The following MAGI2 variants were observed in gnomAD, a reference collection of about 807,000 sequenced individuals.
MAGI2 encodes membrane associated guanylate kinase, WW and PDZ domain containing 2.
Under a neutral mutation model 133.3 loss-of-function variants are expected in MAGI2, and 35 were observed. The ratio of observed to expected loss-of-function variants is 0.26; its 90% confidence interval spans 0.20 to 0.35. The LOEUF (loss-of-function observed/expected upper bound fraction) is 0.35. Ranked by LOEUF, MAGI2 falls within the 10% of genes least tolerant of loss-of-function variation. The probability of loss-of-function intolerance (pLI) is 1.00; values close to 1 mark genes in which losing one functional copy is unlikely to be tolerated. For synonymous variants in MAGI2, 729 were observed against 710.6 expected (o/e 1.03, Z -0.41); for missense variants, 1,636 against 1,863.4 (o/e 0.88, Z 2.25).
intron 6 of MAGI2, among the ~76,000 whole-genome samples, chr7:78,375,428 T>C (rs1238281455): frequency 6.6e-6 from 1 of 152,078 alleles, no homozygotes; most frequent in Non-Finnish European, 1.5e-5. Context: ...AGGTCTATTC[T>C]GGTGGGAAGA....
chr7:78,497,239 CAT>C lies in MAGI2; in HGVS notation c.965+4336_965+4337del, dbSNP rs1242356013. 4.6e-5 allele frequency among the ~76,000 whole-genome samples: 7 copies of C among 152,228 alleles called. No homozygotes were observed. In the East Asian group the frequency reaches 1.4e-3, roughly 29 times the overall value. ...TAAAAGTCTCCTGAAAATTATGAAA[CAT>C]AAGACATTATTACTATTTTAAAGCA... On this transcript the variant is annotated intron_variant, in intron 5 of 21. Transcript: ENST00000354212.
intron 2 of MAGI2, among the ~76,000 whole-genome samples, chr7:78,883,676 C>T (rs1034971510): frequency 1.3e-5 from 2 of 151,774 alleles, no homozygotes; most frequent in East Asian, 1.9e-4. Flanking sequence ...TCAGACAACA[C>T]GGGCCTGTGG....
At chr7:79,286,037 G>T (rs1415640553) in intron 1 of MAGI2, among the ~76,000 whole-genome samples, 1 of 152,012 alleles carries the variant, frequency 6.6e-6, no homozygotes, top group Non-Finnish European at 1.5e-5. Context: ...AAACTATAAG[G>T]CTGATCTGGA....
intron 9 of MAGI2, among the ~76,000 whole-genome samples, chr7:78,298,267 G>A (rs558267539): frequency 2.4e-3 from 361 of 152,260 alleles, no homozygotes; most frequent in Non-Finnish European, 4.2e-3. Flanking sequence ...GGAGTCTAAC[G>A]AGACATGACA....
chr7:78,566,487 A>T (rs1303818900), intron 3 of MAGI2, among the ~76,000 whole-genome samples: 1 of 151,754 alleles, frequency 6.6e-6, no homozygotes, highest in East Asian at 1.9e-4. Context: ...CTAACAAAGC[A>T]ATCTATCCAG....
chr7:79,364,003 C>T (rs1379359464), intron 1 of MAGI2, among the ~76,000 whole-genome samples: 1 of 151,928 alleles, frequency 6.6e-6, no homozygotes, highest in Non-Finnish European at 1.5e-5. Context: ...TTTAACATCT[C>T]TAATCCTCAG....
chr7:78,214,536 GC>G (rs993263091), intron 10 of MAGI2, among the ~76,000 whole-genome samples: 1 of 152,150 alleles, frequency 6.6e-6, no homozygotes, highest in African/African-American at 2.4e-5. Context: ...AGATTTCTTA[GC>G]ATAATCTATT....
At chr7:79,038,734 T>G (rs1811344210) in intron 1 of MAGI2, among the ~76,000 whole-genome samples, 1 of 152,204 alleles carries the variant, frequency 6.6e-6, no homozygotes, top group South Asian at 2.1e-4. Flanking sequence ...GATGCACACT[T>G]GGGTTGTTCA....
At chr7:78,852,297 T>A (rs191807477) in intron 2 of MAGI2, among the ~76,000 whole-genome samples, 58 of 152,248 alleles carry the variant, frequency 3.8e-4, no homozygotes, top group African/African-American at 1.3e-3. Context: ...TGTATTATTA[T>A]GAATATCAAA....
At chr7:79,286,090 G>T (rs1425349244) in intron 1 of MAGI2, among the ~76,000 whole-genome samples, 1 of 152,026 alleles carries the variant, frequency 6.6e-6, no homozygotes, top group Non-Finnish European at 1.5e-5. Flanking sequence ...ATGAGGGGAA[G>T]AAGAGTAAGG....
chr7:78,693,148 G>C (rs1363071202), intron 2 of MAGI2, among the ~76,000 whole-genome samples: 2 of 152,126 alleles, frequency 1.3e-5, no homozygotes, highest in African/African-American at 2.4e-5. Flanking sequence ...GCCACTTGCT[G>C]GTTGTGAAAG....
intron 3 of MAGI2, among the ~76,000 whole-genome samples, chr7:78,527,375 T>C (rs543460261): frequency 6.6e-6 from 1 of 152,198 alleles, no homozygotes; most frequent in Non-Finnish European, 1.5e-5. Flanking sequence ...TGCATAAAAG[T>C]TGTATTTTAA....
rs373985016 is a variant in MAGI2 at position 79,344,697 on chromosome 7, G to A, written c.301+108323C>T. Among the ~76,000 whole-genome samples the A allele has an allele frequency of 9.6e-4, 146 of 152,262 alleles. 2 individuals are homozygous for A. In the South Asian group the frequency reaches 0.011, roughly 11 times the overall value. ...AATGGCAGGGATGCTTTGGTGGATGGAAGACTAAATGGCATACTTAGGAAC... is the reference window on the plus strand; with the variant it reads ...AATGGCAGGGATGCTTTGGTGGATGAAAGACTAAATGGCATACTTAGGAAC... On this transcript the variant is annotated intron_variant, in intron 1 of 21. Coordinates refer to ENST00000354212, the MANE Select transcript of MAGI2 (RefSeq NM_012301.4).
intron 1 of MAGI2, among the ~76,000 whole-genome samples, chr7:79,043,786 A>G (rs967921554): frequency 1.3e-5 from 2 of 152,268 alleles, no homozygotes; most frequent in Non-Finnish European, 2.9e-5. Flanking sequence ...GCACACAACT[A>G]GAAAATGTAG....
intron 1 of MAGI2, among the ~76,000 whole-genome samples, chr7:79,293,078 ACTT>A (rs1836636484): frequency 6.6e-6 from 1 of 152,110 alleles, no homozygotes; most frequent in South Asian, 2.1e-4. Flanking sequence ...TAGCTCTTCC[ACTT>A]CTTTACTGTT....
chr7:78,320,427 A>G (rs1787881377), intron 9 of MAGI2, among the ~76,000 whole-genome samples: 1 of 152,196 alleles, frequency 6.6e-6, no homozygotes, highest in South Asian at 2.1e-4. Flanking sequence ...ATCCACCATG[A>G]TTAAGTCGGC....
At chr7:78,136,871 ATTC>A (rs903994196) in intron 16 of MAGI2, among the ~76,000 whole-genome samples, 10 of 152,364 alleles carry the variant, frequency 6.6e-5, no homozygotes, top group Non-Finnish European at 1.2e-4. Flanking sequence ...TACCTTGTTC[ATTC>A]TTCTATTGTG....
At chr7:78,765,669 G>C (rs1303773224) in intron 2 of MAGI2, among the ~76,000 whole-genome samples, 1 of 152,222 alleles carries the variant, frequency 6.6e-6, no homozygotes, top group East Asian at 1.9e-4. Flanking sequence ...TTATATCTGA[G>C]TTGACATGAT....
At chr7:78,490,430 C>T (rs1048215131) in intron 5 of MAGI2, among the ~76,000 whole-genome samples, 1 of 151,910 alleles carries the variant, frequency 6.6e-6, no homozygotes, top group African/African-American at 2.4e-5. Context: ...GATAAGACTG[C>T]CTGCATTCTA....
Sources: gnomAD v4.1 joint callset for allele counts (sites outside exome capture counted in the v4.1 genomes callset) on GRCh38, gnomAD v4.1.1 for gene constraint, MANE v1.5 for transcripts, NCBI Gene and HGNC (gene_info 2026-07-23, HGNC 2026-07-21) for gene names.